CSRNP2: variants seen among roughly 807,000 people sequenced by gnomAD.
CSRNP2 encodes cysteine/serine-rich nuclear protein 2.
CSRNP2 carries 11 observed loss-of-function variants against 36.6 expected under a neutral mutation model. The observed-to-expected ratio is 0.30, with a 90% CI of 0.19 to 0.50. CSRNP2 has a LOEUF of 0.50. Ranked by LOEUF, CSRNP2 falls within the 20% of genes least tolerant of loss-of-function variation. CSRNP2 has a pLI of 0.98. For synonymous variants in CSRNP2, 248 were observed against 275.3 expected, an observed-to-expected ratio of 0.90 and a Z score of 0.98; for missense variants, 483 against 691.4, an observed-to-expected ratio of 0.70 and a Z score of 3.38.
Position 51,076,543 on chromosome 12 carries a change from A to G in CSRNP2, c.19T>C (p.Ser7Pro). The G allele has an allele frequency of 6.2e-7, 1 of 1,614,070 alleles. No homozygotes were observed. Among genetic ancestry groups the G allele is most frequent in the East Asian group, 2.2e-5 (1 of 44,878 alleles). The part of the protein sequence containing the change: MDAFTG[S>P]GLKRKFDDVD... Reference sequence around the variant, plus strand: ...TCATCAAACTTCCTCTTGAGACCCGAGCCCGTGAATGCATCCATTGGTTTC... The same window carrying G: ...TCATCAAACTTCCTCTTGAGACCCGGGCCCGTGAATGCATCCATTGGTTTC... The change falls in exon 2 of 5, where the codon TCG becomes CCG. Residue 7 changes from serine (S) to proline (P), a missense_variant. By Grantham distance (74) the Ser-to-Pro change is moderately conservative. Around this residue, in one of 2 missense-constraint regions of CSRNP2, gnomAD observed 206 missense variants for 367.8 expected, o/e 0.56. Coordinates refer to ENST00000228515, the MANE Select transcript of CSRNP2 (RefSeq NM_030809.3).
Position 51,061,269 on chromosome 12 carries a change from G to A in CSRNP2, c.*2477C>T, listed in dbSNP as rs925761481. 6.6e-6 allele frequency: 1 copy of A among 152,468 alleles called. No individual in the cohort carries two copies. The highest frequency in any genetic ancestry group is 1.5e-5 in the Non-Finnish European group (1 of 68,024). The allele number at this position is 152,468 out of a possible 1,614,324, so 9.4% of individuals were successfully genotyped here. On this transcript the variant is annotated 3_prime_UTR_variant, in exon 5 of 5. Coordinates refer to ENST00000228515, the MANE Select transcript of CSRNP2 (RefSeq NM_030809.3). ...TCTTTAAATACAGCATTATCACAATGTAAAGAACCTAAAGGGGAAAAAATT... is the reference window on the plus strand; with the variant it reads ...TCTTTAAATACAGCATTATCACAATATAAAGAACCTAAAGGGGAAAAAATT...
intron 4 of CSRNP2, among the ~76,000 whole-genome samples, chr12:51,065,008 T>C (rs1039857621): frequency 6.6e-6 from 1 of 152,208 alleles, no homozygotes; most frequent in East Asian, 1.9e-4. Context: ...CTTCTCTGAA[T>C]GCTGATAGTT....
rs1252406159 is a variant in CSRNP2, at chr12:51,063,065, TTAACTC to T, written c.*675_*680del. 1 of 152,094 alleles carries T rather than the reference TTAACTC, an allele frequency of 6.6e-6. No individual in the cohort carries two copies. The highest frequency in any genetic ancestry group is 6.6e-5 in the Admixed American group (1 of 15,266). The allele number at this position is 152,094 out of a possible 1,614,324, so 9.4% of individuals were successfully genotyped here. ...AGAGAAAAAAGACACATAGACAAGT[TTAACTC>T]TAGTACTTAAGAACATGTGGAAGAA... On this transcript the variant is annotated 3_prime_UTR_variant, in exon 5 of 5. Coordinates refer to ENST00000228515, the MANE Select transcript of CSRNP2 (RefSeq NM_030809.3).
intron 1 of CSRNP2, among the ~76,000 whole-genome samples, chr12:51,079,052 G>C (rs531176665): frequency 3.3e-4 from 51 of 152,274 alleles, no homozygotes; most frequent in Non-Finnish European, 6.5e-4. Flanking sequence ...CATAAAAAAG[G>C]ATGAGTTCAT....
intron 1 of CSRNP2, among the ~76,000 whole-genome samples, chr12:51,079,353 A>G (rs1474940377): frequency 6.6e-6 from 1 of 151,776 alleles, no homozygotes; most frequent in African/African-American, 2.4e-5. Flanking sequence ...TAGAACTTAA[A>G]GTATTAAAAA....
rs1592730644 is a variant in CSRNP2, at chr12:51,061,216, A to ATTTC, written c.*2526_*2529dup. On this transcript the variant is annotated 3_prime_UTR_variant, in exon 5 of 5. Coordinates refer to ENST00000228515, the MANE Select transcript of CSRNP2 (RefSeq NM_030809.3). ...AGAGTAACACATCATTCTTTTGAAT[A>ATTTC]TTTCTTTAATATTACATTTAAATAT... 1.3e-5 allele frequency: 2 copies of ATTTC among 152,642 alleles called. No homozygotes were observed. Among genetic ancestry groups the ATTTC allele is most frequent in the East Asian group, 3.9e-4 (2 of 5,192 alleles). 9.5% of individuals were successfully genotyped at this position (152,642 alleles called of 1,614,324 possible). A position where few individuals can be genotyped will look rare whatever the true frequency, so the allele number is the denominator to read the frequency against.
At position 51,067,862 on chromosome 12, in the gene CSRNP2, G is replaced by A; in HGVS notation, c.519C>T (p.Phe173=). 1 of 1,614,214 alleles carries A rather than the reference G, an allele frequency of 6.2e-7. No individual in the cohort carries two copies. Among genetic ancestry groups the A allele is most frequent in the Non-Finnish European group, 8.5e-7 (1 of 1,180,042 alleles). Residue 173 remains phenylalanine, a synonymous_variant, in exon 4 of 5, where the codon TTC becomes TTT. Coordinates refer to ENST00000228515, the MANE Select transcript of CSRNP2 (RefSeq NM_030809.3). This position sits in a 1 kb window ranked among gnomAD's most constrained non-coding sequence, Gnocchi z 4.1. ...DVENVEVDDY[F]FLQPLPTKRR... ...GTTTGGTGGGCAGAGGCTGCAGGAAGAAGTAATCATCCACCTCCACATTTT... is the reference window on the plus strand; with the variant it reads ...GTTTGGTGGGCAGAGGCTGCAGGAAAAAGTAATCATCCACCTCCACATTTT...
intron 3 of CSRNP2, among the ~76,000 whole-genome samples, chr12:51,070,589 C>T (rs886930216): frequency 6.6e-6 from 1 of 152,052 alleles, no homozygotes; most frequent in East Asian, 1.9e-4. Flanking sequence ...GTTATTAAAT[C>T]GTATTGGAAC....
At position 51,064,720 on chromosome 12, in the gene CSRNP2, A is replaced by G. The variant is rs747120797; in HGVS notation, c.709-51T>C. 4.2e-6 allele frequency: 6 copies of G among 1,436,502 alleles called. No individual in the cohort carries two copies. The African/African-American group carries it at 8.5e-5, about 20-fold the overall frequency. The allele number at this position is 1,436,502 out of a possible 1,614,324, so 89.0% of individuals were successfully genotyped here. A position where few individuals can be genotyped will look rare whatever the true frequency, so the allele number is the denominator to read the frequency against. On this transcript the variant is annotated intron_variant, in intron 4 of 4. Coordinates refer to ENST00000228515, the MANE Select transcript of CSRNP2 (RefSeq NM_030809.3). ...CAAGATGAGACCTACAATCCTAACA[A>G]TGGAGACAGGAGACATGAGCTGGCA...
At chr12:51,068,196 C>T (rs910317993) in intron 3 of CSRNP2, among the ~76,000 whole-genome samples, 15 of 152,218 alleles carry the variant, frequency 9.9e-5, no homozygotes, top group African/African-American at 2.9e-4. Flanking sequence ...CTCATTCTGT[C>T]GTCCAGGCGG....
chr12:51,081,846 CAACAAA>C (rs1939656769), intron 1 of CSRNP2, among the ~76,000 whole-genome samples: 1 of 135,302 alleles, frequency 7.4e-6, no homozygotes. Flanking sequence ...ACAACAACAA[CAACAAA>C]AAAAAACAGC....
chr12:51,076,708 T>TAC (rs955110172), intron 1 of CSRNP2, 61 bp from the exon 2 acceptor site: 4 of 769,508 alleles, frequency 5.2e-6, no homozygotes, highest in Non-Finnish European at 8.5e-6. Context: ...CCCCAGTCTA[T>TAC]ACACACAGCT....
chr12:51,076,364 C>T lies in CSRNP2; in HGVS notation c.151+47G>A, dbSNP rs745572665. The T allele has an allele frequency of 1.2e-5, 19 of 1,599,594 alleles. No individual in the cohort carries two copies. The South Asian group carries it at 2.1e-4, about 18-fold the overall frequency. On this transcript the variant is annotated intron_variant, in intron 2 of 4. Coordinates refer to ENST00000228515, the MANE Select transcript of CSRNP2 (RefSeq NM_030809.3). ...CTGTCTCGAGCTGCCATGGGTTCTGCTGCTTGGGGAATGTGGGTATAGGCA... is the reference window on the plus strand; with the variant it reads ...CTGTCTCGAGCTGCCATGGGTTCTGTTGCTTGGGGAATGTGGGTATAGGCA...
In CSRNP2 at chr12:51,064,228, G is replaced by C; in HGVS notation, c.1150C>G (p.Gln384Glu). The change falls in exon 5 of 5, where the codon CAG becomes GAG. Residue 384 changes from glutamine to glutamate, a missense_variant. By Grantham distance (29) the Gln-to-Glu change is conservative. Around this residue, in one of 2 missense-constraint regions of CSRNP2, gnomAD observed 277 missense variants for 323.6 expected, o/e 0.86. Coordinates refer to ENST00000228515, the MANE Select transcript of CSRNP2 (RefSeq NM_030809.3). ...AGGACAGAGGAGCCTGGGGGCAGCT[G>C]AGCCTGGATGAGAATGGGGGCTGTA... ...GLTAPILIQAQLPPGSSVLCF... is the reference protein window; with the variant it reads ...GLTAPILIQAELPPGSSVLCF... 2 of 1,613,646 alleles carry C rather than the reference G, an allele frequency of 1.2e-6. No homozygotes were observed. The highest frequency in any genetic ancestry group is 1.7e-6 in the Non-Finnish European group (2 of 1,179,846).
intron 1 of CSRNP2, among the ~76,000 whole-genome samples, chr12:51,081,212 C>G (rs1354478548): frequency 6.6e-6 from 1 of 152,104 alleles, no homozygotes; most frequent in Non-Finnish European, 1.5e-5. Flanking sequence ...TGCTTGAACC[C>G]AGGAGGCAGA....
chr12:51,068,072 G>T, intron 3 of CSRNP2, 103 bp from the exon 4 acceptor site: 1 of 1,113,296 alleles, frequency 9.0e-7, no homozygotes, highest in African/African-American at 1.6e-5. Flanking sequence ...CTGCAATCAT[G>T]GGAATATCTG....
intron 3 of CSRNP2, among the ~76,000 whole-genome samples, chr12:51,069,139 C>T (rs34735738): frequency 0.16 from 24,542 of 151,910 alleles, 2,182 homozygotes; most frequent in South Asian, 0.26. Context: ...CCACGCCCGG[C>T]TAACTTTTTG....
rs1938519424 is a variant in CSRNP2 at position 51,067,470 on chromosome 12, T to C, written c.708+203A>G. Among the ~76,000 whole-genome samples, 1 of 151,512 alleles carries C rather than the reference T, an allele frequency of 6.6e-6. No homozygotes were observed. The highest frequency in any genetic ancestry group is 2.1e-4 in the South Asian group (1 of 4,788). On this transcript the variant is annotated intron_variant, in intron 4 of 4. Transcript: ENST00000228515. The surrounding 1 kb of genome is among the most constrained non-coding windows in gnomAD (Gnocchi z 4.1). ...GATCCTCCTACCTCAGCCTCCCACA[T>C]AGCTAGGATTAGAGGTGTGAGCCAC...
chr12:51,070,032 G>A (rs1938957671), intron 3 of CSRNP2, among the ~76,000 whole-genome samples: 2 of 151,940 alleles, frequency 1.3e-5, no homozygotes, highest in Admixed American at 1.3e-4. Flanking sequence ...AGAGAGCCAA[G>A]AAAGGGAGTC....
Sources: gnomAD v4.1 joint callset for allele counts (sites outside exome capture counted in the v4.1 genomes callset) on GRCh38, gnomAD v4.1.1 for gene constraint, gnomAD v4.1.1 regional missense constraint, Gnocchi (gnomAD v3.1) non-coding constraint, MANE v1.5 for transcripts, NCBI Gene and HGNC (gene_info 2026-07-23, HGNC 2026-07-21) for gene names.